Variants in NRG1 observed in about 807,000 individuals in gnomAD.
NRG1 encodes neuregulin 1, also known as pro-neuregulin-1, membrane-bound isoform.
NRG1 carries 18 observed loss-of-function variants against 63.8 expected under a neutral mutation model. The observed-to-expected ratio is 0.28, with a 90% confidence interval of 0.19 to 0.42. The LOEUF (loss-of-function observed/expected upper bound fraction) is 0.42. NRG1 is among the 10% of genes least tolerant of loss of function. NRG1 has a pLI of 1.00. For missense variants in NRG1, 762 were observed against 814.7 expected (o/e 0.94, Z 0.79); for synonymous variants, 302 against 301.3 (o/e 1.00, Z -0.02).
At chr8:32,739,882 G>A (rs1040864198) in intron 6 of NRG1, among the ~76,000 whole-genome samples, 3 of 152,116 alleles carry the variant, frequency 2.0e-5, no homozygotes, top group African/African-American at 4.8e-5. Flanking sequence ...GAAACAAATG[G>A]ATTATTTGTG....
In NRG1 at chr8:31,653,207, A is replaced by G. The variant is rs76695606; in HGVS notation, c.37+13776A>G. 7.3e-3 allele frequency among the ~76,000 whole-genome samples: 1,109 copies of G among 152,098 alleles called. 11 individuals are homozygous for G. Among genetic ancestry groups the G allele is most frequent in the African/African-American group, 0.025 (1,056 of 41,476 alleles). On this transcript the variant is annotated intron_variant, in intron 1 of 10. Transcript: ENST00000519301. ...AAAGTTTCTATAATGAATGCACATT[A>G]CTTTTTAACAAGAAGTAGTAAATGC...
intron 1 of NRG1, among the ~76,000 whole-genome samples, chr8:32,203,653 C>T (rs953136624): frequency 6.6e-6 from 1 of 152,142 alleles, no homozygotes; most frequent in African/African-American, 2.4e-5. Context: ...TGAGCCACCA[C>T]ACCCAGCCTC....
At chr8:32,450,615 C>T (rs959788691) in intron 1 of NRG1, among the ~76,000 whole-genome samples, 6 of 152,006 alleles carry the variant, frequency 3.9e-5, no homozygotes, top group Non-Finnish European at 4.4e-5. Context: ...GGAGTTTCAC[C>T]ATGTTGCCCA....
At position 31,760,691 on chromosome 8, in the gene NRG1, G is replaced by A. The variant is rs539536081; in HGVS notation, c.37+121260G>A. ...GAAGACATTTATGCAGCCAAAAGAC[G>A]CATGAAAAAATGCTCATCATCACTG... On this transcript the variant is annotated intron_variant, in intron 1 of 10. Coordinates refer to the NRG1 transcript ENST00000519301. Among the ~76,000 whole-genome samples, 960 of 151,962 alleles carry A rather than the reference G, an allele frequency of 6.3e-3. 10 individuals carry two copies. Among genetic ancestry groups the A allele is most frequent in the African/African-American group, 0.022 (915 of 41,468 alleles).
chr8:31,727,296 T>A (rs1234716214), intron 1 of NRG1, among the ~76,000 whole-genome samples: 1 of 152,198 alleles, frequency 6.6e-6, no homozygotes, highest in Non-Finnish European at 1.5e-5. Context: ...AAAAATGTTC[T>A]GTTCATTCTG....
At chr8:32,599,316 T>G (rs531810222) in intron 2 of NRG1, among the ~76,000 whole-genome samples, 4 of 152,232 alleles carry the variant, frequency 2.6e-5, no homozygotes, top group African/African-American at 9.6e-5. Flanking sequence ...TTTTCTGGGA[T>G]TCTCTTTAAT....
chr8:31,878,170 G>T (rs1372241880), intron 1 of NRG1, among the ~76,000 whole-genome samples: 1 of 152,136 alleles, frequency 6.6e-6, no homozygotes, highest in Non-Finnish European at 1.5e-5. Flanking sequence ...CTAATTATGG[G>T]TGCAGGCACC....
rs114255599 is a variant in NRG1 at position 31,978,586 on chromosome 8, A to G, written c.37+339155A>G. Among the ~76,000 whole-genome samples, 1,258 of 152,256 alleles carry G rather than the reference A, an allele frequency of 8.3e-3. 18 individuals are homozygous for G. Among genetic ancestry groups the G allele is most frequent in the African/African-American group, 0.029 (1,206 of 41,568 alleles). On this transcript the variant is annotated intron_variant, in intron 1 of 10. Transcript: ENST00000519301. Reference sequence around the variant, plus strand: ...GTGTGAGTTGGTACTCTAAAATACAATAAGGCAGACAGCTTTAAACCCATG... The same window carrying G: ...GTGTGAGTTGGTACTCTAAAATACAGTAAGGCAGACAGCTTTAAACCCATG...
At chr8:31,718,511 G>T (rs901389815) in intron 1 of NRG1, among the ~76,000 whole-genome samples, 4 of 152,178 alleles carry the variant, frequency 2.6e-5, no homozygotes, top group African/African-American at 4.8e-5. Flanking sequence ...TTTGCAACAG[G>T]ATTTGTGTAC....
At chr8:32,071,722 T>G (rs1825783271) in intron 1 of NRG1, among the ~76,000 whole-genome samples, 1 of 152,134 alleles carries the variant, frequency 6.6e-6, no homozygotes, top group African/African-American at 2.4e-5. Flanking sequence ...GCAGGTGCAG[T>G]GGTGTTTGAG....
chr8:31,649,206 C>T (rs542875426), intron 1 of NRG1, among the ~76,000 whole-genome samples: 3 of 152,158 alleles, frequency 2.0e-5, no homozygotes, highest in Non-Finnish European at 4.4e-5. Flanking sequence ...CCGCCTGCCT[C>T]GGCCTCCCAA....
Position 32,748,335 on chromosome 8 carries a change from G to A in NRG1, c.691+5602G>A, listed in dbSNP as rs562603689. ...CACATAGGCGCATGTACACGCGCGC[G>A]CGCGCACACACACACACACACACAG... On this transcript the variant is annotated intron_variant, in intron 7 of 11. Coordinates refer to ENST00000356819, the Ensembl canonical transcript of NRG1. 4.2e-3 allele frequency among the ~76,000 whole-genome samples: 406 copies of A among 95,626 alleles called. 2 individuals carry two copies. Among genetic ancestry groups the A allele is most frequent in the African/African-American group, 0.015 (388 of 26,344 alleles). 62.7% of individuals were successfully genotyped at this position (95,626 alleles called of 152,430 possible).
chr8:32,595,903 C>G (rs1225726919), exon 2 of NRG1: 1 of 1,613,004 alleles, frequency 6.2e-7, no homozygotes, highest in Non-Finnish European at 8.5e-7. Flanking sequence ...CGGTGTGAAA[C>G]CAGTTCTGAA....
intron 1 of NRG1, among the ~76,000 whole-genome samples, chr8:32,313,238 G>C (rs1857020161): frequency 6.6e-6 from 1 of 152,176 alleles, no homozygotes; most frequent in Admixed American, 6.5e-5. Flanking sequence ...TATTGCTGTA[G>C]ATGTTGGGAA....
chr8:32,366,698 T>TA (rs1406740545), intron 1 of NRG1, among the ~76,000 whole-genome samples: 9 of 115,090 alleles, frequency 7.8e-5, no homozygotes, highest in African/African-American at 2.5e-4. Context: ...TATATATATA[T>TA]ATATATATAT....
At chr8:31,833,509 C>G (rs1479429500) in intron 1 of NRG1, among the ~76,000 whole-genome samples, 2 of 152,142 alleles carry the variant, frequency 1.3e-5, no homozygotes, top group African/African-American at 4.8e-5. Context: ...ACTGGGAATT[C>G]CTCCAGGGAA....
intron 1 of NRG1, among the ~76,000 whole-genome samples, chr8:32,094,066 G>A (rs1054473452): frequency 7.9e-5 from 12 of 152,160 alleles, no homozygotes; most frequent in African/African-American, 2.2e-4. Flanking sequence ...AAGAGATAGG[G>A]GGTTTGTGTT....
chr8:32,053,036 A>G (rs531246469), intron 1 of NRG1, among the ~76,000 whole-genome samples: 1 of 152,350 alleles, frequency 6.6e-6, no homozygotes, highest in South Asian at 2.1e-4. Context: ...CCTTAAAAGT[A>G]GAAAACCATT....
In NRG1 at chr8:32,599,886, T is replaced by A. The variant is rs567586086; in HGVS notation, c.278+3881T>A. Among the ~76,000 whole-genome samples, 4 of 152,318 alleles carry A rather than the reference T, an allele frequency of 2.6e-5. No homozygotes were observed. The South Asian group carries it at 8.3e-4, about 32-fold the overall frequency. On this transcript the variant is annotated intron_variant, in intron 2 of 11. Transcript: ENST00000356819. ...TTGTTTAAAATTGGCTGTCATTGGTTACATTGGACAAATATTACAATTATT... is the reference window on the plus strand; with the variant it reads ...TTGTTTAAAATTGGCTGTCATTGGTAACATTGGACAAATATTACAATTATT...
Sources: allele counts gnomAD v4.1 joint callset (sites outside exome capture counted in the v4.1 genomes callset), GRCh38; gene constraint gnomAD v4.1.1; transcripts MANE v1.5; gene names NCBI Gene and HGNC (gene_info 2026-07-23, HGNC 2026-07-21).